The following BTD variants were observed in gnomAD, a reference collection of about 807,000 sequenced individuals.
The protein encoded by BTD is biocytinase.
In BTD, 13 loss-of-function variants were observed where a neutral mutation model predicts 17.7. The ratio of observed to expected loss-of-function variants is 0.74; its 90% CI spans 0.48 to 1.17. The LOEUF (loss-of-function observed/expected upper bound fraction) is 1.17, where lower values mean the gene tolerates loss of function less well. Ranked by LOEUF, BTD falls within the 50% of genes most tolerant of loss-of-function variation. BTD has a pLI of 0.00. For missense variants in BTD, 674 were observed against 650.4 expected (o/e 1.04, Z -0.39); for synonymous variants, 240 against 245.2 (o/e 0.98, Z 0.20).
chr3:15,679,185 G>T, intron 3 of BTD: 1 of 928,666 alleles, frequency 1.1e-6, no homozygotes, highest in Non-Finnish European at 1.7e-6. Context: ...GACCAGGCTG[G>T]TCTTAAACTC....
intron 3 of BTD, among the ~76,000 whole-genome samples, chr3:15,659,417 G>T (rs923081334): frequency 6.6e-6 from 1 of 152,166 alleles, no homozygotes; most frequent in African/African-American, 2.4e-5. Flanking sequence ...GACACACATG[G>T]CAGGTAGGAT....
intron 1 of BTD, among the ~76,000 whole-genome samples, chr3:15,627,936 G>A (rs1292742956): frequency 9.2e-5 from 14 of 152,072 alleles, no homozygotes; most frequent in Admixed American, 9.2e-4. Context: ...TGGCTAGGCT[G>A]GTCTTGAACT....
chr3:15,673,456 A>C (rs908786856), intron 3 of BTD, among the ~76,000 whole-genome samples: 4 of 152,242 alleles, frequency 2.6e-5, no homozygotes, highest in African/African-American at 9.6e-5. Flanking sequence ...TGCAACTGAC[A>C]AAGATTTCAC....
chr3:15,608,573 C>G (rs1411482238), intron 1 of BTD, among the ~76,000 whole-genome samples: 1 of 152,164 alleles, frequency 6.6e-6, no homozygotes, highest in South Asian at 2.1e-4. Flanking sequence ...TGACACCATC[C>G]TGGCCAACAT....
intron 3 of BTD, among the ~76,000 whole-genome samples, chr3:15,699,175 A>G (rs995141278): frequency 1.3e-5 from 2 of 152,224 alleles, no homozygotes; most frequent in Admixed American, 6.5e-5. Flanking sequence ...TGCTGGGAAA[A>G]CTGGCTAGCC....
At chr3:15,601,964 C>T in intron 1 of BTD, 70 bp downstream of exon 1, 1 of 1,590,628 alleles carries the variant, frequency 6.3e-7, no homozygotes, top group Admixed American at 1.7e-5. Flanking sequence ...CCGCCCCGGG[C>T]GCCCAGTTGG....
chr3:15,717,392 A>G (rs2073191626), downstream of BTD, among the ~76,000 whole-genome samples: 1 of 152,158 alleles, frequency 6.6e-6, no homozygotes, highest in Non-Finnish European at 1.5e-5. Flanking sequence ...CAGATTACTA[A>G]CTAAAAAGTT....
chr3:15,710,135 A>G (rs2072041537), exon 4 of BTD, among the ~76,000 whole-genome samples: 1 of 152,026 alleles, frequency 6.6e-6, no homozygotes, highest in Admixed American at 6.6e-5. Flanking sequence ...CCTGGATATA[A>G]GCGATCCTCC....
intron 3 of BTD, chr3:15,686,158 A>G (rs201068191): frequency 1.4e-4 from 220 of 1,600,658 alleles, no homozygotes; most frequent in Non-Finnish European, 1.8e-4. Context: ...CTGTCACTTA[A>G]GACTGTACTC....
At chr3:15,661,418 C>A (rs1366203794) in intron 3 of BTD, among the ~76,000 whole-genome samples, 1 of 152,044 alleles carries the variant, frequency 6.6e-6, no homozygotes, top group Non-Finnish European at 1.5e-5. Context: ...ATGTGTGGAA[C>A]ATTTTTTCAT....
At chr3:15,682,068 C>G (rs2067604346) in intron 3 of BTD, among the ~76,000 whole-genome samples, 1 of 151,834 alleles carries the variant, frequency 6.6e-6, no homozygotes, top group African/African-American at 2.4e-5. Flanking sequence ...CCTAGGGAAC[C>G]CTGGGGTGAC....
Position 15,637,746 on chromosome 3 carries a change from C to T in BTD, c.249+2058C>T, listed in dbSNP as rs542160844. 7.2e-5 allele frequency among the ~76,000 whole-genome samples: 11 copies of T among 152,340 alleles called. No individual in the cohort carries two copies. In the South Asian group the frequency reaches 2.3e-3, roughly 32 times the overall value. The stretch of plus-strand genomic sequence containing the variant: ...GTCCAGCACCTGAAATGTCATCTGC[C>T]TCTTGCTTCCCTCCCCTATCCACCG... On this transcript the variant is annotated intron_variant, in intron 2 of 3. Transcript: ENST00000643237.
chr3:15,704,682 ATTGTACCCAATT>A (rs1257327258), intron 3 of BTD, among the ~76,000 whole-genome samples: 2 of 152,198 alleles, frequency 1.3e-5, no homozygotes, highest in Non-Finnish European at 2.9e-5. Context: ...ATTGGGTACA[ATTGTACCCAATT>A]TAAGAAAAAT....
intron 1 of BTD, among the ~76,000 whole-genome samples, chr3:15,633,599 AAG>A (rs1176855600): frequency 6.6e-6 from 1 of 152,210 alleles, no homozygotes; most frequent in Non-Finnish European, 1.5e-5. Flanking sequence ...TCAGTTGAGA[AAG>A]AGATGTAATG....
chr3:15,607,510 C>T (rs761603590), intron 1 of BTD, among the ~76,000 whole-genome samples: 11 of 152,226 alleles, frequency 7.2e-5, no homozygotes, highest in Non-Finnish European at 1.5e-4. Context: ...CTTCTACAGG[C>T]AGTAACTCTT....
At chr3:15,677,123 A>G in intron 3 of BTD, 1 of 1,246,200 alleles carries the variant, frequency 8.0e-7, no homozygotes, top group East Asian at 2.3e-5. Flanking sequence ...ACACCCAACA[A>G]TCTGCAATCC....
chr3:15,704,822 C>T (rs1009142783), intron 3 of BTD, among the ~76,000 whole-genome samples: 2 of 152,136 alleles, frequency 1.3e-5, no homozygotes, highest in African/African-American at 4.8e-5. Context: ...CTTATATTTT[C>T]CACTAGGCTC....
At chr3:15,633,920 C>T (rs940193964) in intron 1 of BTD, among the ~76,000 whole-genome samples, 1 of 152,194 alleles carries the variant, frequency 6.6e-6, no homozygotes, top group African/African-American at 2.4e-5. Flanking sequence ...CTCAAAAACT[C>T]ATGACTGCTC....
At chr3:15,614,285 A>T (rs1475758709) in intron 1 of BTD, among the ~76,000 whole-genome samples, 1 of 151,974 alleles carries the variant, frequency 6.6e-6, no homozygotes, top group Non-Finnish European at 1.5e-5. Context: ...CACCATGCCC[A>T]GCTAATACTT....
Sources: allele counts gnomAD v4.1 joint callset (sites outside exome capture counted in the v4.1 genomes callset), GRCh38; gene constraint gnomAD v4.1.1; transcripts MANE v1.5; gene names NCBI Gene and HGNC (gene_info 2026-07-23, HGNC 2026-07-21).